The following DDX3X variants were observed in gnomAD, a reference collection of about 807,000 sequenced individuals.
DDX3X encodes the protein ATP-dependent RNA helicase DDX3X.
In DDX3X, 4 loss-of-function variants were observed where a neutral mutation model predicts 52.7. The observed-to-expected ratio is 0.08, with a 90% CI of 0.04 to 0.17. DDX3X has a LOEUF of 0.17. DDX3X is among the 10% of genes least tolerant of loss of function. The probability of loss-of-function intolerance (pLI) is 1.00; values close to 1 mark genes in which losing one functional copy is unlikely to be tolerated. For synonymous variants in DDX3X, 192 were observed against 178.1 expected, an observed-to-expected ratio of 1.08 and a Z score of -0.62; for missense variants, 222 against 548.6, an observed-to-expected ratio of 0.40 and a Z score of 5.95.
chrX:41,334,622 G>C (rs983014992), intron 1 of DDX3X: 72 of 1,076,327 alleles, frequency 6.7e-5, no homozygotes, highest in Non-Finnish European at 8.4e-5. Flanking sequence ...TTAGTGACCT[G>C]GGGGGGTTTG....
chrX:41,347,201 G>A, intron 15 of DDX3X, 111 bp from the exon 16 acceptor site: 1 of 985,126 alleles, frequency 1.0e-6, no homozygotes, highest in Non-Finnish European at 1.4e-6. Flanking sequence ...AAATATGGCT[G>A]GATGGGGAAT....
At position 41,341,548 on chromosome X, in the gene DDX3X, T is replaced by C; in HGVS notation, c.216T>C (p.Phe72=). ...SSKDKDAYSS[F]GSRSDSRGKS... Reference sequence around the variant, plus strand: ...AAGATAAGGATGCGTATAGCAGTTTTGGATCTCGTAGTGATTCAAGAGGGA... The same window carrying C: ...AAGATAAGGATGCGTATAGCAGTTTCGGATCTCGTAGTGATTCAAGAGGGA... The change falls in exon 4 of 17, where the codon TTT becomes TTC. Residue 72 remains phenylalanine (F), a synonymous_variant. Transcript: ENST00000644876. The C allele has an allele frequency of 1.7e-6, 2 of 1,209,517 alleles. No individual in the cohort carries two copies. The highest frequency in any genetic ancestry group is 2.2e-6 in the Non-Finnish European group (2 of 893,201).
chrX:41,356,200 T>A (rs1449209521), intron 5 of DDX3X, among the ~76,000 whole-genome samples: 1 of 101,621 alleles, frequency 9.8e-6, no homozygotes, highest in Non-Finnish European at 2.0e-5. Flanking sequence ...AGTGCAGTGG[T>A]GTGATCTTGG....
chrX:41,344,494 A>G (rs750497529), intron 10 of DDX3X, 95 bp downstream of exon 10: 10 of 1,027,086 alleles, frequency 9.7e-6, no homozygotes, highest in Non-Finnish European at 1.2e-5. Flanking sequence ...CTGGAGTGCC[A>G]TGGCGCGATC....
In DDX3X at chrX:41,339,028, T is replaced by A. The variant is rs980049998; in HGVS notation, c.104-8T>A. 2.4e-5 allele frequency: 22 copies of A among 917,718 alleles called. No homozygotes were observed. The highest frequency in any genetic ancestry group is 3.9e-5 in the East Asian group (1 of 25,745). 75.6% of individuals were successfully genotyped at this position (917,718 alleles called of 1,213,427 possible). A position where few individuals can be genotyped will look rare whatever the true frequency, so the allele number is the denominator to read the frequency against. On this transcript the variant is annotated splice_polypyrimidine_tract_variant and splice_region_variant and intron_variant, in intron 2 of 16. Transcript: ENST00000644876. ...TAATTAATTTTATATATATATATAT[T>A]TTTTTAGAAGGGCGCTATATTCCTC...
At chrX:41,344,519 C>T (rs187461057) in intron 10 of DDX3X, 120 bp downstream of exon 10, 10 of 843,553 alleles carry the variant, frequency 1.2e-5, no homozygotes, top group Middle Eastern at 8.3e-4. Flanking sequence ...CTCACCACAA[C>T]CTCTGCCTCC....
At chrX:41,341,661 T>G (rs1489394971) in intron 4 of DDX3X, 45 bp downstream of exon 4, 1 of 1,153,890 alleles carries the variant, frequency 8.7e-7, no homozygotes, top group African/African-American at 1.8e-5. Context: ...TAATAACAGT[T>G]TAATAAGTCG....
At chrX:41,341,865 C>T (rs911543594) in intron 4 of DDX3X, 3 of 288,160 alleles carry the variant, frequency 1.0e-5, no homozygotes, top group Non-Finnish European at 1.8e-5. Flanking sequence ...AGAGTAAGTT[C>T]ATCTAGTGAA....
At chrX:41,342,219 C>A in intron 4 of DDX3X, 1 of 273,360 alleles carries the variant, frequency 3.7e-6, no homozygotes, top group East Asian at 6.8e-5. Context: ...AGCTGTGTGC[C>A]GATTTCAAAT....
intron 5 of DDX3X, among the ~76,000 whole-genome samples, chrX:41,357,297 T>C (rs2064013360): frequency 9.0e-6 from 1 of 110,675 alleles, no homozygotes; most frequent in South Asian, 3.8e-4. Context: ...CTCACTTTAT[T>C]ATAGTTTTGC....
chrX:41,334,540 G>A (rs1317320883), intron 1 of DDX3X: 5 of 1,095,683 alleles, frequency 4.6e-6, no homozygotes, highest in Non-Finnish European at 5.9e-6. Flanking sequence ...TTGTGTGTGC[G>A]TGCGCAGGCG....
downstream of DDX3X, among the ~76,000 whole-genome samples, chrX:41,354,261 C>A (rs2064000044): frequency 9.3e-6 from 1 of 107,404 alleles, no homozygotes; most frequent in Admixed American, 1.0e-4. Context: ...GTGTGTAGTT[C>A]TGTGCAGTTT....
At chrX:41,334,042 G>A (rs1389217122), upstream of DDX3X, 23 of 428,473 alleles carry the variant, frequency 5.4e-5, no homozygotes, top group Non-Finnish European at 9.1e-5. Context: ...GCGCGCAGTA[G>A]CCGGGCAGAA....
At chrX:41,350,721 G>GT (rs2147366716), downstream of DDX3X, 1 of 111,411 alleles carries the variant, frequency 9.0e-6, no homozygotes, top group East Asian at 2.8e-4. Context: ...GAGCCCACGA[G>GT]TTCAAGTCCA....
At chrX:41,347,614 C>T (rs772797190) in intron 16 of DDX3X, 26 bp from the exon 17 acceptor site, 3 of 1,155,308 alleles carry the variant, frequency 2.6e-6, no homozygotes, top group African/African-American at 1.8e-5. Context: ...TCATTAATTT[C>T]TCTCTCTTTT....
intron 1 of DDX3X, chrX:41,334,784 A>G (rs1157872763): frequency 3.2e-6 from 3 of 935,560 alleles, no homozygotes; most frequent in East Asian, 1.6e-4. Context: ...AACGCGGCCC[A>G]GGAATGTGGG....
intron 4 of DDX3X, 65 bp downstream of exon 4, chrX:41,341,681 C>T (rs767636888): frequency 1.9e-6 from 2 of 1,048,275 alleles, no homozygotes; most frequent in African/African-American, 1.9e-5. Flanking sequence ...GTTATCCTGA[C>T]CACCTGTTTG....
rs1323609585 is a variant in DDX3X at position 41,345,337 on chromosome X, G to T, written c.1170+13G>T. 2 of 1,204,199 alleles carry T rather than the reference G, an allele frequency of 1.7e-6. No individual in the cohort carries two copies. The highest frequency in any genetic ancestry group is 2.2e-6 in the Non-Finnish European group (2 of 893,083). On this transcript the variant is annotated intron_variant, in intron 11 of 16. Coordinates refer to ENST00000644876, the MANE Select transcript of DDX3X (RefSeq NM_001356.5). ...TAAGGAAATACAGGTACTGTTTGAT[G>T]TTGCAAATTTTATTTATTTAGAAAT... is the stretch of plus-strand genomic sequence containing the variant.
At position 41,348,467 on chromosome X, in the gene DDX3X, A is replaced by T. The variant is rs1418196022; in HGVS notation, c.*748A>T. 2 of 112,853 alleles carry T rather than the reference A, an allele frequency of 1.8e-5. No homozygotes were observed. Among genetic ancestry groups the T allele is most frequent in the Admixed American group, 1.9e-4 (2 of 10,605 alleles). 9.3% of individuals were successfully genotyped at this position (112,853 alleles called of 1,213,427 possible). ...AAAGTTAATGCAAGTAAATACAGCA[A>T]TTCCTCTTTCAACGTTTAGGCAGAT... is the stretch of plus-strand genomic sequence containing the variant. On this transcript the variant is annotated 3_prime_UTR_variant, in exon 17 of 17. Transcript: ENST00000644876.
Sources: allele counts gnomAD v4.1 joint callset (sites outside exome capture counted in the v4.1 genomes callset), GRCh38; gene constraint gnomAD v4.1.1; transcripts MANE v1.5; gene names NCBI Gene and HGNC (gene_info 2026-07-23, HGNC 2026-07-21).